MAP4K3: variants seen among roughly 807,000 people sequenced by gnomAD.
The protein encoded by MAP4K3 is mitogen-activated protein kinase kinase kinase kinase 3.
In MAP4K3, 94 loss-of-function variants were observed where a neutral mutation model predicts 143.5. The observed-to-expected ratio is 0.65, with a 90% CI of 0.55 to 0.78. MAP4K3 has a LOEUF of 0.78. MAP4K3 is among the 30% of genes least tolerant of loss of function. The pLI is 0.00. For synonymous variants in MAP4K3, 416 were observed against 347.2 expected (o/e 1.20, Z -2.20); for missense variants, 1,077 against 1,068.1 (o/e 1.01, Z -0.12).
At chr2:39,313,630 A>T (rs922837317) in intron 13 of MAP4K3, among the ~76,000 whole-genome samples, 2 of 152,008 alleles carry the variant, frequency 1.3e-5, no homozygotes, top group African/African-American at 4.8e-5. Context: ...TTCCTGCCTC[A>T]GCCTCCCCAG....
chr2:39,356,676 T>C (rs957160561), intron 2 of MAP4K3, among the ~76,000 whole-genome samples: 16 of 152,184 alleles, frequency 1.1e-4, no homozygotes, highest in Non-Finnish European at 8.8e-5. Flanking sequence ...TAATAGCCTA[T>C]CTCATAGGAA....
chr2:39,277,689 G>A (rs918567319), intron 24 of MAP4K3, among the ~76,000 whole-genome samples: 3 of 151,866 alleles, frequency 2.0e-5, no homozygotes, highest in Non-Finnish European at 4.4e-5. Flanking sequence ...CTCAGCCTTC[G>A]AAGCAGTTGG....
intron 1 of MAP4K3, among the ~76,000 whole-genome samples, chr2:39,403,045 A>G (rs1397237132): frequency 3.3e-5 from 5 of 152,242 alleles, no homozygotes; most frequent in Admixed American, 2.0e-4. Flanking sequence ...AACTCAATCT[A>G]TAGTTTAAAA....
intron 3 of MAP4K3, among the ~76,000 whole-genome samples, chr2:39,354,424 C>T (rs781429948): frequency 2.0e-5 from 3 of 151,922 alleles, no homozygotes; most frequent in Non-Finnish European, 4.4e-5. Flanking sequence ...GCCTGGGTGA[C>T]AGACTGAGAT....
intron 1 of MAP4K3, among the ~76,000 whole-genome samples, chr2:39,384,045 T>A (rs1666422039): frequency 6.7e-6 from 1 of 149,150 alleles, no homozygotes; most frequent in South Asian, 2.1e-4. Flanking sequence ...GCCCAAGAGA[T>A]CAAGGCTGCA....
At chr2:39,402,398 C>T (rs1305582719) in intron 1 of MAP4K3, among the ~76,000 whole-genome samples, 2 of 152,064 alleles carry the variant, frequency 1.3e-5, no homozygotes, top group African/African-American at 4.8e-5. Flanking sequence ...CTCCAAGAAC[C>T]TTCATGAACT....
chr2:39,353,892 T>A (rs1336259270), intron 3 of MAP4K3, among the ~76,000 whole-genome samples: 1 of 152,180 alleles, frequency 6.6e-6, no homozygotes, highest in East Asian at 1.9e-4. Flanking sequence ...GATATTATTA[T>A]CATCTGTTTT....
intron 18 of MAP4K3, among the ~76,000 whole-genome samples, chr2:39,291,150 GA>G: frequency 6.6e-6 from 1 of 152,146 alleles, no homozygotes; most frequent in Non-Finnish European, 1.5e-5. Flanking sequence ...CCAACACAAA[GA>G]AATGATAAAT....
At chr2:39,251,067 TGGA>T (rs937959211) in intron 33 of MAP4K3, among the ~76,000 whole-genome samples, 1 of 152,198 alleles carries the variant, frequency 6.6e-6, no homozygotes, top group African/African-American at 2.4e-5. Context: ...CGCTGCACAA[TGGA>T]TGAATAACGT....
intron 17 of MAP4K3, 52 bp downstream of exon 17, chr2:39,293,178 G>C: frequency 7.8e-7 from 1 of 1,282,140 alleles, no homozygotes; most frequent in East Asian, 2.5e-5. Context: ...AAGGCAAACT[G>C]ACTTTACTTG....
At chr2:39,419,068 T>C (rs900345331) in intron 1 of MAP4K3, among the ~76,000 whole-genome samples, 21 of 152,176 alleles carry the variant, frequency 1.4e-4, no homozygotes, top group Non-Finnish European at 2.4e-4. Flanking sequence ...AATCCAAAAA[T>C]ATTCTAAAAT....
At chr2:39,340,144 C>T (rs1200647229) in intron 4 of MAP4K3, among the ~76,000 whole-genome samples, 3 of 152,124 alleles carry the variant, frequency 2.0e-5, no homozygotes, top group African/African-American at 7.2e-5. Flanking sequence ...AGAACTTCCC[C>T]TTCATTAAAT....
At chr2:39,301,848 C>A (rs1682522842) in intron 15 of MAP4K3, among the ~76,000 whole-genome samples, 1 of 151,888 alleles carries the variant, frequency 6.6e-6, no homozygotes, top group African/African-American at 2.4e-5. Context: ...CATGATGAAA[C>A]CCTGTCTCTA....
At chr2:39,360,914 G>C (rs956459007) in intron 2 of MAP4K3, among the ~76,000 whole-genome samples, 4 of 152,080 alleles carry the variant, frequency 2.6e-5, no homozygotes, top group East Asian at 3.9e-4. Context: ...ATTTGGGTGG[G>C]AACACAGCTA....
At chr2:39,302,760 A>G (rs1682558564) in intron 15 of MAP4K3, among the ~76,000 whole-genome samples, 1 of 152,252 alleles carries the variant, frequency 6.6e-6, no homozygotes, top group Non-Finnish European at 1.5e-5. Context: ...GACAGTGTTT[A>G]CACAGTAGAG....
intron 1 of MAP4K3, among the ~76,000 whole-genome samples, chr2:39,411,760 G>T (rs1400138018): frequency 6.6e-6 from 1 of 152,104 alleles, no homozygotes; most frequent in Non-Finnish European, 1.5e-5. Flanking sequence ...TGTTAGCAAT[G>T]AAAAAAATGT....
At chr2:39,313,494 TCTTTC>T (rs1683011070) in intron 13 of MAP4K3, among the ~76,000 whole-genome samples, 10 of 152,030 alleles carry the variant, frequency 6.6e-5, no homozygotes, top group Admixed American at 6.6e-4. Flanking sequence ...TCTTTTCTTT[TCTTTC>T]TTCTTTCTCT....
At chr2:39,259,010 G>GTT (rs10673971) in intron 29 of MAP4K3, among the ~76,000 whole-genome samples, 99,532 of 144,924 alleles carry the variant, frequency 0.69, 37,684 homozygotes, top group Non-Finnish European at 0.84. Context: ...AATGAAAATT[G>GTT]TTTTTTTTTT....
chr2:39,369,205 G>GTTTTTTTTTTTTTTTTTTT (rs68013609), intron 2 of MAP4K3, among the ~76,000 whole-genome samples: 11 of 125,368 alleles, frequency 8.8e-5, no homozygotes, highest in African/African-American at 1.3e-4. Flanking sequence ...TTTTTTTTTT[G>GTTTTTTTTTTTTTTTTTTT]TTTTTTTTGA....
Sources: allele counts gnomAD v4.1 joint callset (sites outside exome capture counted in the v4.1 genomes callset), GRCh38; gene constraint gnomAD v4.1.1; transcripts MANE v1.5; gene names NCBI Gene and HGNC (gene_info 2026-07-23, HGNC 2026-07-21).